EYA4: variants seen among roughly 807,000 people sequenced by gnomAD.
EYA4 encodes EYA transcriptional coactivator and phosphatase 4, also known as protein phosphatase EYA4.
Under a neutral mutation model 87.9 loss-of-function variants are expected in EYA4, and 31 were observed. That is an observed-to-expected ratio of 0.35 (90% confidence interval 0.27 to 0.48). EYA4 has a LOEUF of 0.48. Among genes scored for constraint, EYA4 ranks in the 20% least tolerant of loss-of-function variants. The pLI is 0.99. For synonymous variants in EYA4, 263 were observed against 270.6 expected, an observed-to-expected ratio of 0.97 and a Z score of 0.28; for missense variants, 678 against 761.4, an observed-to-expected ratio of 0.89 and a Z score of 1.29.
At chr6:133,454,422 T>A (rs1318206649) in intron 5 of EYA4, among the ~76,000 whole-genome samples, 1 of 152,220 alleles carries the variant, frequency 6.6e-6, no homozygotes, top group African/African-American at 2.4e-5. Context: ...CTTGATTAGC[T>A]AGTGCTGCCT....
chr6:133,322,349 G>T (rs1434749267), intron 2 of EYA4, among the ~76,000 whole-genome samples: 1 of 152,088 alleles, frequency 6.6e-6, no homozygotes, highest in Non-Finnish European at 1.5e-5. Flanking sequence ...TTTTTAGAAA[G>T]GAATATTTAT....
At chr6:133,390,148 G>A (rs2128493315) in intron 3 of EYA4, among the ~76,000 whole-genome samples, 1 of 152,248 alleles carries the variant, frequency 6.6e-6, no homozygotes, top group African/African-American at 2.4e-5. Context: ...TATACTTTTT[G>A]TGCCTAATTA....
chr6:133,294,055 ATATAT>A (rs1778736300), intron 2 of EYA4, among the ~76,000 whole-genome samples: 4 of 129,596 alleles, frequency 3.1e-5, no homozygotes, highest in African/African-American at 6.1e-5. Context: ...ATATATATAT[ATATAT>A]ATAATTCTAT....
chr6:133,389,033 T>C (rs770822830), intron 3 of EYA4, among the ~76,000 whole-genome samples: 18 of 152,160 alleles, frequency 1.2e-4, no homozygotes, highest in Non-Finnish European at 2.4e-4. Context: ...GGGACTCTCC[T>C]TCCCTTTCAG....
intron 2 of EYA4, among the ~76,000 whole-genome samples, chr6:133,374,075 T>C (rs1785482989): frequency 6.6e-6 from 1 of 152,114 alleles, no homozygotes; most frequent in African/African-American, 2.4e-5. Flanking sequence ...GACTGTGGCA[T>C]AGATAAGGAG....
intron 2 of EYA4, among the ~76,000 whole-genome samples, chr6:133,294,023 T>TTTTATATA (rs1436598260): frequency 2.5e-5 from 2 of 78,780 alleles, no homozygotes; most frequent in Non-Finnish European, 4.9e-5. Flanking sequence ...TAGGGTGATT[T>TTTTATATA]TATATATATA....
chr6:133,277,930 A>T (rs1012256307), intron 2 of EYA4, among the ~76,000 whole-genome samples: 2 of 151,996 alleles, frequency 1.3e-5, no homozygotes, highest in African/African-American at 4.8e-5. Context: ...TCTTTATTTT[A>T]TCTCTTGACT....
intron 2 of EYA4, among the ~76,000 whole-genome samples, chr6:133,350,620 G>C (rs1256119730): frequency 6.6e-6 from 1 of 152,038 alleles, no homozygotes; most frequent in Non-Finnish European, 1.5e-5. Flanking sequence ...GTGAGGGAGA[G>C]AGCTGAGGTG....
chr6:133,297,857 C>T (rs9373045), intron 2 of EYA4, among the ~76,000 whole-genome samples: 21,639 of 152,154 alleles, frequency 0.14, 1,610 homozygotes, highest in Non-Finnish European at 0.17. Context: ...TATCTGTTCA[C>T]CAGCTATGTG....
intron 2 of EYA4, among the ~76,000 whole-genome samples, chr6:133,367,914 T>G (rs1474226111): frequency 6.6e-6 from 1 of 152,166 alleles, no homozygotes; most frequent in Non-Finnish European, 1.5e-5. Flanking sequence ...TCAGAATGTG[T>G]GGTTCATATT....
At chr6:133,315,956 A>G (rs1333099882) in intron 2 of EYA4, among the ~76,000 whole-genome samples, 1 of 152,162 alleles carries the variant, frequency 6.6e-6, no homozygotes, top group Non-Finnish European at 1.5e-5. Flanking sequence ...GTCAGCAGCA[A>G]GGTCTGGCTA....
chr6:133,530,850 A>G lies in EYA4; in HGVS notation c.*2045A>G. Reference sequence around the variant, plus strand: ...GAATACCTTTAATAATATAAAAATAATGATAGTAAATCTTATACTTCTGTT... The same window carrying G: ...GAATACCTTTAATAATATAAAAATAGTGATAGTAAATCTTATACTTCTGTT... On this transcript the variant is annotated 3_prime_UTR_variant, in exon 20 of 20. Coordinates refer to ENST00000355286, the MANE Select transcript of EYA4 (RefSeq NM_004100.5). The G allele has an allele frequency of 8.0e-6, 8 of 1,004,374 alleles. No homozygotes were observed. The highest frequency in any genetic ancestry group is 9.5e-6 in the Non-Finnish European group (8 of 840,272). 62.2% of individuals were successfully genotyped at this position (1,004,374 alleles called of 1,614,324 possible).
intron 2 of EYA4, among the ~76,000 whole-genome samples, chr6:133,322,546 T>C (rs1158153855): frequency 2.0e-5 from 3 of 151,982 alleles, no homozygotes; most frequent in Admixed American, 6.5e-5. Context: ...AGTCATGAAG[T>C]TTTTCAGCAA....
intron 2 of EYA4, among the ~76,000 whole-genome samples, chr6:133,284,200 T>C (rs1168406176): frequency 6.6e-6 from 1 of 152,226 alleles, no homozygotes; most frequent in Non-Finnish European, 1.5e-5. Flanking sequence ...CCACCGTGAT[T>C]ACAGATTAAT....
intron 2 of EYA4, among the ~76,000 whole-genome samples, chr6:133,299,512 C>T (rs1020148492): frequency 6.6e-5 from 10 of 151,612 alleles, no homozygotes; most frequent in Admixed American, 6.6e-4. Context: ...GAGATCGAGA[C>T]CATCCTAGCT....
chr6:133,497,116 TCCCATCACCCTG>T (rs1457183784), intron 13 of EYA4, among the ~76,000 whole-genome samples: 1 of 152,150 alleles, frequency 6.6e-6, no homozygotes, highest in Admixed American at 6.5e-5. Context: ...CATTAGCTTT[TCCCATCACCCTG>T]TGTGATTGAT....
At chr6:133,373,036 GGTAA>G (rs1176157008) in intron 2 of EYA4, among the ~76,000 whole-genome samples, 3 of 151,864 alleles carry the variant, frequency 2.0e-5, no homozygotes, top group Non-Finnish European at 4.4e-5. Flanking sequence ...ATTTTATATT[GGTAA>G]GTGAGACAAC....
intron 2 of EYA4, among the ~76,000 whole-genome samples, chr6:133,366,767 T>G (rs1439061891): frequency 3.9e-5 from 6 of 152,238 alleles, no homozygotes; most frequent in African/African-American, 1.4e-4. Flanking sequence ...GTAGCCTGGC[T>G]AAGGAAGCTG....
chr6:133,430,419 T>A (rs1445660282), intron 3 of EYA4, among the ~76,000 whole-genome samples: 2 of 152,216 alleles, frequency 1.3e-5, no homozygotes, highest in African/African-American at 4.8e-5. Context: ...AAGAAATTTT[T>A]AAACTTCAGG....
Sources: gnomAD v4.1 joint callset for allele counts (sites outside exome capture counted in the v4.1 genomes callset) on GRCh38, gnomAD v4.1.1 for gene constraint, MANE v1.5 for transcripts, NCBI Gene and HGNC (gene_info 2026-07-23, HGNC 2026-07-21) for gene names.